SLC8A3: variants seen among roughly 807,000 people sequenced by gnomAD.
SLC8A3 encodes solute carrier family 8 member A3.
Under a neutral mutation model 65.4 loss-of-function variants are expected in SLC8A3, and 37 were observed. The ratio of observed to expected loss-of-function variants is 0.57; its 90% confidence interval spans 0.44 to 0.74. The LOEUF is 0.74. Among genes scored for constraint, SLC8A3 ranks in the 30% least tolerant of loss-of-function variants. SLC8A3 has a pLI of 0.00. For missense variants in SLC8A3, 1,112 were observed against 1,172.1 expected, an observed-to-expected ratio of 0.95 and a Z score of 0.75; for synonymous variants, 461 against 444.5, an observed-to-expected ratio of 1.04 and a Z score of -0.47.
At chr14:70,065,374 C>T (rs1274353908) in intron 2 of SLC8A3, among the ~76,000 whole-genome samples, 1 of 152,106 alleles carries the variant, frequency 6.6e-6, no homozygotes, top group Non-Finnish European at 1.5e-5. Flanking sequence ...CACATGAACT[C>T]CAAACCCTCA....
intron 2 of SLC8A3, among the ~76,000 whole-genome samples, chr14:70,149,270 G>A (rs1376677011): frequency 1.3e-5 from 2 of 152,202 alleles, no homozygotes; most frequent in African/African-American, 4.8e-5. Flanking sequence ...GCCCTGATTG[G>A]GAAAAGCAGA....
intron 2 of SLC8A3, among the ~76,000 whole-genome samples, chr14:70,146,913 G>A (rs576410548): frequency 6.6e-6 from 1 of 152,298 alleles, no homozygotes; most frequent in East Asian, 1.9e-4. Context: ...AGAGTTCAGA[G>A]TTAATGAATC....
At position 70,046,345 on chromosome 14, in the gene SLC8A3, TG is replaced by T; in HGVS notation, c.2390-23del. The stretch of plus-strand genomic sequence containing the variant: ...GTATCTGGAAAAGGACAAAGACACA[TG>T]GGAACTGGTAGGAGGCTAAGGTGTG... On this transcript the variant is annotated intron_variant, in intron 6 of 6. Coordinates refer to ENST00000356921, the MANE Select transcript of SLC8A3 (RefSeq NM_182932.3). The surrounding 1 kb of genome is among the most constrained non-coding windows in gnomAD (Gnocchi z 4.2). The T allele has an allele frequency of 6.3e-7, 1 of 1,581,794 alleles. No individual in the cohort carries two copies. Among genetic ancestry groups the T allele is most frequent in the Non-Finnish European group, 8.6e-7 (1 of 1,162,322 alleles).
chr14:70,093,516 C>T (rs906499442), intron 2 of SLC8A3, among the ~76,000 whole-genome samples: 6 of 152,178 alleles, frequency 3.9e-5, no homozygotes, highest in African/African-American at 1.2e-4. Context: ...ACAACACATA[C>T]GGCAACACTT....
Position 70,046,219 on chromosome 14 carries a change from G to T in SLC8A3, c.2494C>A (p.Leu832Met), listed in dbSNP as rs773127443. 6.2e-7 allele frequency: 1 copy of T among 1,614,252 alleles called. No individual in the cohort carries two copies. Among genetic ancestry groups the T allele is most frequent in the Non-Finnish European group, 8.5e-7 (1 of 1,180,036 alleles). The change falls in exon 7 of 7, where the codon CTG becomes ATG. Residue 832 changes from leucine (L) to methionine (M), a missense_variant. Physicochemically the swap from Leu to Met is conservative, Grantham distance 15 (BLOSUM62 2). Coordinates refer to ENST00000356921, the MANE Select transcript of SLC8A3 (RefSeq NM_182932.3). This position sits in a 1 kb window ranked among gnomAD's most constrained non-coding sequence, Gnocchi z 4.2. Reference protein sequence around the residue: ...NAVNVFLGIGLAWSVAAIYWA... With the variant: ...NAVNVFLGIGMAWSVAAIYWA... ...TAGATGGCGGCCACGGACCAGGCCA[G>T]GCCGATGCCCAGGAAGACATTGACG...
At chr14:70,168,625 G>A in intron 1 of SLC8A3, 141 bp from the exon 2 acceptor site, 1 of 570,106 alleles carries the variant, frequency 1.8e-6, no homozygotes, top group Non-Finnish European at 3.1e-6. Context: ...TGGAAAAATA[G>A]ATGTCAATGG....
intron 2 of SLC8A3, among the ~76,000 whole-genome samples, chr14:70,144,211 C>T (rs556674792): frequency 4.0e-5 from 6 of 151,784 alleles, no homozygotes; most frequent in South Asian, 4.2e-4. Context: ...GAAAAGTCTC[C>T]GTCTGTTGCC....
intron 2 of SLC8A3, among the ~76,000 whole-genome samples, chr14:70,121,449 C>T (rs754228798): frequency 3.2e-4 from 49 of 152,330 alleles, no homozygotes; most frequent in Middle Eastern, 3.4e-3. Context: ...GTCTTGCTCT[C>T]GTCAAGTCTA....
intron 2 of SLC8A3, among the ~76,000 whole-genome samples, chr14:70,091,549 T>C (rs924370762): frequency 3.9e-5 from 6 of 152,218 alleles, no homozygotes; most frequent in African/African-American, 9.6e-5. Context: ...TTTCAATCTT[T>C]CAATGTCTAC....
rs142447217 is a variant in SLC8A3, at chr14:70,160,239, G to A, written c.1784+6400C>T. Among the ~76,000 whole-genome samples the A allele has an allele frequency of 5.7e-4, 87 of 152,192 alleles. 1 individual carries two copies. In the South Asian group the frequency reaches 0.018, roughly 31 times the overall value. On this transcript the variant is annotated intron_variant, in intron 2 of 6. Transcript: ENST00000356921. Reference sequence around the variant, plus strand: ...GTGGGCGGATCACTTGAGGTCAGGTGTTTGAGACCAGCCTGGCCAACATGG... The same window carrying A: ...GTGGGCGGATCACTTGAGGTCAGGTATTTGAGACCAGCCTGGCCAACATGG...
chr14:70,121,858 A>T (rs756660132), intron 2 of SLC8A3, among the ~76,000 whole-genome samples: 25 of 152,068 alleles, frequency 1.6e-4, no homozygotes, highest in Non-Finnish European at 3.4e-4. Context: ...CAAACAAACA[A>T]TTCTGTCAGC....
chr14:70,077,349 A>T (rs1890628281), intron 2 of SLC8A3, among the ~76,000 whole-genome samples: 1 of 152,160 alleles, frequency 6.6e-6, no homozygotes. Context: ...TCATCTTTGC[A>T]CTGTACCTGC....
At chr14:70,171,303 T>C (rs1377487772) in intron 1 of SLC8A3, among the ~76,000 whole-genome samples, 1 of 152,202 alleles carries the variant, frequency 6.6e-6, no homozygotes, top group Non-Finnish European at 1.5e-5. Context: ...AGAATCATCC[T>C]GATTAACAGG....
chr14:70,100,482 T>C (rs1463219925), intron 2 of SLC8A3, among the ~76,000 whole-genome samples: 1 of 152,204 alleles, frequency 6.6e-6, no homozygotes. Flanking sequence ...ATGTTTAAGA[T>C]GCATTTTTGC....
At chr14:70,048,085 T>C (rs918905428) in intron 6 of SLC8A3, 2 of 155,302 alleles carry the variant, frequency 1.3e-5, no homozygotes, top group African/African-American at 2.4e-5. Context: ...AAATATTTGT[T>C]CAATGAGTAA....
At chr14:70,150,759 G>C (rs1475871988) in intron 2 of SLC8A3, among the ~76,000 whole-genome samples, 4 of 152,190 alleles carry the variant, frequency 2.6e-5, no homozygotes, top group Non-Finnish European at 5.9e-5. Flanking sequence ...CAAGCTTTAA[G>C]GCACCGAGGA....
intron 2 of SLC8A3, chr14:70,080,023 T>G (rs1447785644): frequency 2.3e-6 from 2 of 868,244 alleles, no homozygotes; most frequent in Non-Finnish European, 2.8e-6. Flanking sequence ...CACATTGGGT[T>G]GTCGTGCGGG....
intron 1 of SLC8A3, among the ~76,000 whole-genome samples, chr14:70,187,429 A>G (rs987992649): frequency 1.3e-5 from 2 of 152,012 alleles, no homozygotes; most frequent in African/African-American, 2.4e-5. Flanking sequence ...CCCCGCCACC[A>G]CCACCACTAC....
intron 2 of SLC8A3, among the ~76,000 whole-genome samples, chr14:70,124,801 A>T (rs887816759): frequency 2.6e-5 from 4 of 152,232 alleles, no homozygotes; most frequent in African/African-American, 9.6e-5. Flanking sequence ...AAAAGGTGAT[A>T]CTTGCCTAGA....
Sources: allele counts gnomAD v4.1 joint callset (sites outside exome capture counted in the v4.1 genomes callset), GRCh38; gene constraint gnomAD v4.1.1; non-coding constraint Gnocchi (gnomAD v3.1); transcripts MANE v1.5; gene names NCBI Gene and HGNC (gene_info 2026-07-23, HGNC 2026-07-21).